The following ROBO1 variants were observed in gnomAD, a reference collection of about 807,000 sequenced individuals.
ROBO1 encodes the protein roundabout guidance receptor 1.
Under a neutral mutation model 195.9 loss-of-function variants are expected in ROBO1, and 149 were observed. The ratio of observed to expected loss-of-function variants is 0.76; its 90% CI spans 0.67 to 0.87. The LOEUF (loss-of-function observed/expected upper bound fraction) is 0.87, where lower values mean the gene tolerates loss of function less well. Among genes scored for constraint, ROBO1 ranks in the 40% least tolerant of loss-of-function variants. The probability of loss-of-function intolerance (pLI) is 0.00; values close to 1 mark genes in which losing one functional copy is unlikely to be tolerated. For synonymous variants in ROBO1, 816 were observed against 733.2 expected (o/e 1.11, Z -1.82); for missense variants, 1,933 against 2,068.3 (o/e 0.93, Z 1.27).
chr3:79,640,646 G>A (rs1030334640), intron 1 of ROBO1, among the ~76,000 whole-genome samples: 3 of 152,052 alleles, frequency 2.0e-5, no homozygotes, highest in Admixed American at 2.0e-4. Flanking sequence ...TCCCTTTAGT[G>A]TTCTATCTTT....
intron 2 of ROBO1, among the ~76,000 whole-genome samples, chr3:79,273,607 A>C (rs1250257895): frequency 6.6e-6 from 1 of 152,058 alleles, no homozygotes; most frequent in East Asian, 1.9e-4. Flanking sequence ...AAAGAAGAGA[A>C]GACCATGAAA....
At chr3:78,884,605 G>A (rs530389090) in intron 4 of ROBO1, among the ~76,000 whole-genome samples, 1 of 137,748 alleles carries the variant, frequency 7.3e-6, no homozygotes, top group East Asian at 2.1e-4. Flanking sequence ...AAGAAAGAGA[G>A]AAAGAGAGAA....
chr3:79,005,899 T>C (rs527379005), intron 3 of ROBO1, among the ~76,000 whole-genome samples: 1 of 152,234 alleles, frequency 6.6e-6, no homozygotes, highest in South Asian at 2.1e-4. Flanking sequence ...TAAGGGAAAC[T>C]AGATTTCTGC....
intron 1 of ROBO1, among the ~76,000 whole-genome samples, chr3:79,711,936 G>A (rs1214677439): frequency 7.0e-6 from 1 of 142,442 alleles, no homozygotes; most frequent in African/African-American, 2.5e-5. Context: ...GGTGGGTGGG[G>A]GAGCACTATG....
chr3:78,853,532 T>C (rs1447915348), intron 4 of ROBO1, among the ~76,000 whole-genome samples: 1 of 150,778 alleles, frequency 6.6e-6, no homozygotes, highest in Non-Finnish European at 1.5e-5. Context: ...TGATCTTGGC[T>C]GGGCTATGGT....
intron 2 of ROBO1, among the ~76,000 whole-genome samples, chr3:79,322,173 T>G (rs1339456670): frequency 6.6e-6 from 1 of 152,118 alleles, no homozygotes; most frequent in Non-Finnish European, 1.5e-5. Context: ...GCTCAGGTGG[T>G]TTCTACACAG....
intron 1 of ROBO1, among the ~76,000 whole-genome samples, chr3:79,676,435 G>T (rs1232150913): frequency 6.6e-6 from 1 of 152,026 alleles, no homozygotes; most frequent in Non-Finnish European, 1.5e-5. Flanking sequence ...TGATCATGGA[G>T]TTTGCAGGCT....
At chr3:79,327,121 A>G (rs1276887765) in intron 2 of ROBO1, among the ~76,000 whole-genome samples, 2 of 152,146 alleles carry the variant, frequency 1.3e-5, no homozygotes, top group Non-Finnish European at 2.9e-5. Flanking sequence ...ACAAATAGGA[A>G]GACTTAAGAA....
intron 2 of ROBO1, among the ~76,000 whole-genome samples, chr3:79,263,386 T>G (rs1437046005): frequency 6.6e-6 from 1 of 152,080 alleles, no homozygotes; most frequent in Non-Finnish European, 1.5e-5. Flanking sequence ...CCATGGCTCA[T>G]GCCTATAATC....
intron 2 of ROBO1, among the ~76,000 whole-genome samples, chr3:79,503,480 T>G (rs1273238544): frequency 6.6e-6 from 1 of 152,224 alleles, no homozygotes; most frequent in African/African-American, 2.4e-5. Context: ...CACAATGTTA[T>G]GAAGTGATAC....
intron 1 of ROBO1, among the ~76,000 whole-genome samples, chr3:79,682,031 G>A (rs890455115): frequency 6.6e-6 from 1 of 151,876 alleles, no homozygotes; most frequent in Non-Finnish European, 1.5e-5. Flanking sequence ...GAACAATCAA[G>A]CAAAATGTAA....
intron 2 of ROBO1, among the ~76,000 whole-genome samples, chr3:79,503,096 A>G (rs1246008171): frequency 6.6e-6 from 1 of 152,060 alleles, no homozygotes; most frequent in Non-Finnish European, 1.5e-5. Context: ...TTTGCAATAA[A>G]TCTCGCTGCT....
intron 3 of ROBO1, among the ~76,000 whole-genome samples, chr3:79,048,832 A>C (rs1271085196): frequency 6.6e-6 from 1 of 152,168 alleles, no homozygotes; most frequent in Non-Finnish European, 1.5e-5. Context: ...AAACTAACAA[A>C]CAGATACGAA....
At chr3:78,899,769 G>A (rs1425426094) in intron 4 of ROBO1, among the ~76,000 whole-genome samples, 2 of 151,808 alleles carry the variant, frequency 1.3e-5, no homozygotes, top group African/African-American at 4.8e-5. Context: ...ACTACAAAAC[G>A]GCGATGGTTT....
intron 2 of ROBO1, among the ~76,000 whole-genome samples, chr3:79,380,944 A>G (rs576716141): frequency 6.6e-6 from 1 of 152,366 alleles, no homozygotes; most frequent in Non-Finnish European, 1.5e-5. Context: ...AGATGCTACT[A>G]GACTAGAGAG....
At chr3:79,218,580 C>T (rs1443268234) in intron 2 of ROBO1, among the ~76,000 whole-genome samples, 1 of 151,752 alleles carries the variant, frequency 6.6e-6, no homozygotes, top group African/African-American at 2.4e-5. Context: ...AAAATGATTG[C>T]AAATAAAGTA....
intron 4 of ROBO1, among the ~76,000 whole-genome samples, chr3:78,910,400 G>T (rs532092466): frequency 6.6e-6 from 1 of 151,766 alleles, no homozygotes; most frequent in Non-Finnish European, 1.5e-5. Flanking sequence ...AGGCTCACCC[G>T]AGGACTGGCA....
intron 3 of ROBO1, among the ~76,000 whole-genome samples, chr3:78,972,887 G>T (rs548275538): frequency 6.6e-6 from 1 of 152,284 alleles, no homozygotes; most frequent in African/African-American, 2.4e-5. Flanking sequence ...TTCCTACCTG[G>T]AGCTGGCAGG....
chr3:78,655,360 T>C (rs990811646), intron 18 of ROBO1, among the ~76,000 whole-genome samples: 6 of 152,174 alleles, frequency 3.9e-5, no homozygotes, highest in Non-Finnish European at 7.3e-5. Flanking sequence ...GCAGTCACAC[T>C]GGGAGTAGTG....
Sources: allele counts gnomAD v4.1 joint callset (sites outside exome capture counted in the v4.1 genomes callset), GRCh38; gene constraint gnomAD v4.1.1; transcripts MANE v1.5; gene names NCBI Gene and HGNC (gene_info 2026-07-23, HGNC 2026-07-21).